NSUN6: variants seen among roughly 807,000 people sequenced by gnomAD.
NSUN6 encodes NOP2/Sun RNA methyltransferase 6.
NSUN6 carries 64 observed loss-of-function variants against 58.0 expected under a neutral mutation model. The ratio of observed to expected loss-of-function variants is 1.10; its 90% CI spans 0.90 to 1.36. The LOEUF is 1.36. Among genes scored for constraint, NSUN6 ranks in the 40% most tolerant of loss-of-function variants. The pLI is 0.00. For synonymous variants in NSUN6, 231 were observed against 193.9 expected, an observed-to-expected ratio of 1.19 and a Z score of -1.59; for missense variants, 701 against 550.1, an observed-to-expected ratio of 1.27 and a Z score of -2.74.
chr10:18,631,123 C>A (rs868534163), intron 3 of NSUN6, among the ~76,000 whole-genome samples: 4 of 152,158 alleles, frequency 2.6e-5, no homozygotes, highest in African/African-American at 9.7e-5. Flanking sequence ...AAATGTAATC[C>A]AGCATATAAA....
intron 3 of NSUN6, among the ~76,000 whole-genome samples, chr10:18,633,945 T>G (rs1343580217): frequency 6.6e-6 from 1 of 152,204 alleles, no homozygotes; most frequent in Non-Finnish European, 1.5e-5. Context: ...GGACTACAGA[T>G]GAGCCAGCAG....
rs150912857 is a variant in NSUN6, at chr10:18,578,125, C to A, written c.922+7824G>T. On this transcript the variant is annotated intron_variant, in intron 8 of 10. Transcript: ENST00000377304. ...TTACTTATAACACAGTAAAGGCACACTTATAACCAGGAGGTGCCCTGCTCT... is the reference window on the plus strand; with the variant it reads ...TTACTTATAACACAGTAAAGGCACAATTATAACCAGGAGGTGCCCTGCTCT... Among the ~76,000 whole-genome samples the A allele has an allele frequency of 1.8e-4, 28 of 152,176 alleles. No individual in the cohort carries two copies. The East Asian group carries it at 4.6e-3, about 25-fold the overall frequency.
upstream of NSUN6, chr10:18,651,753 T>A: frequency 1.0e-6 from 1 of 985,480 alleles, no homozygotes; most frequent in Non-Finnish European, 1.2e-6. Context: ...TTCCTAACCC[T>A]GCGTGAGGCT....
chr10:18,597,689 C>G (rs569229729), intron 6 of NSUN6, among the ~76,000 whole-genome samples: 2 of 152,230 alleles, frequency 1.3e-5, no homozygotes, highest in South Asian at 4.2e-4. Context: ...TCACTTGAAC[C>G]CAGGAGGTGG....
chr10:18,606,447 G>A lies in NSUN6; in HGVS notation c.657+3398C>T, dbSNP rs182590946. 9.2e-5 allele frequency among the ~76,000 whole-genome samples: 14 copies of A among 152,244 alleles called. 1 individual carries two copies. Among genetic ancestry groups the A allele is most frequent in the South Asian group, 6.2e-4 (3 of 4,816 alleles). ...TAAATGCAGTGTGGGATCCTGGATCGGATCCTGAACACAAATAGGACATTA... is the reference window on the plus strand; with the variant it reads ...TAAATGCAGTGTGGGATCCTGGATCAGATCCTGAACACAAATAGGACATTA... On this transcript the variant is annotated intron_variant, in intron 6 of 10. Coordinates refer to ENST00000377304, the MANE Select transcript of NSUN6 (RefSeq NM_182543.5).
chr10:18,607,994 T>C (rs11812341), intron 6 of NSUN6, among the ~76,000 whole-genome samples: 32,992 of 152,164 alleles, frequency 0.22, 3,954 homozygotes, highest in South Asian at 0.35. Context: ...CAGTGTTAGC[T>C]GTGATTACCA....
intron 8 of NSUN6, among the ~76,000 whole-genome samples, chr10:18,578,303 G>A (rs905724239): frequency 4.2e-5 from 6 of 143,636 alleles, no homozygotes; most frequent in Non-Finnish European, 6.0e-5. Context: ...GCACCATCTC[G>A]GCTCACTGCA....
chr10:18,602,853 A>G (rs1022606770), intron 6 of NSUN6, among the ~76,000 whole-genome samples: 1 of 152,208 alleles, frequency 6.6e-6, no homozygotes, highest in African/African-American at 2.4e-5. Context: ...TTACTCTTGC[A>G]TAGTATTCCA....
chr10:18,635,176 A>G (rs557521314), intron 3 of NSUN6, among the ~76,000 whole-genome samples: 60 of 152,302 alleles, frequency 3.9e-4, no homozygotes, highest in African/African-American at 1.4e-3. Context: ...ACTATTTTAC[A>G]TGTCACAATT....
In NSUN6 at chr10:18,625,724, A is replaced by ATT. The variant is rs1564819274; in HGVS notation, c.312-9432_312-9431insAA. Among the ~76,000 whole-genome samples the ATT allele has an allele frequency of 2.6e-3, 349 of 134,058 alleles. 1 individual carries two copies. Among genetic ancestry groups the ATT allele is most frequent in the Non-Finnish European group, 4.1e-3 (248 of 60,336 alleles). The allele number at this position is 134,058 out of a possible 152,430, so 87.9% of individuals were successfully genotyped here. On this transcript the variant is annotated intron_variant, in intron 3 of 10. Transcript: ENST00000377304. ...TGAGACTATGTGTTTTTTTTTTAAA[A>ATT]AAAAAAAAAAAAAAAAAAAAAAAAG...
chr10:18,564,250 T>G (rs549647076), intron 8 of NSUN6, among the ~76,000 whole-genome samples: 1 of 151,706 alleles, frequency 6.6e-6, no homozygotes, highest in African/African-American at 2.4e-5. Context: ...CATTCTCCAT[T>G]CCATTCCCAT....
chr10:18,580,185 C>G (rs954924623), intron 8 of NSUN6, among the ~76,000 whole-genome samples: 1 of 152,156 alleles, frequency 6.6e-6, no homozygotes, highest in Non-Finnish European at 1.5e-5. Flanking sequence ...TGGAAAATGT[C>G]CTAAGACCAC....
intron 3 of NSUN6, among the ~76,000 whole-genome samples, chr10:18,640,097 GAAAT>G (rs1242519627): frequency 1.3e-5 from 2 of 152,184 alleles, no homozygotes; most frequent in African/African-American, 2.4e-5. Flanking sequence ...TAAAAAGAAT[GAAAT>G]AGTGTTACAT....
chr10:18,635,105 A>G (rs1417910181), intron 3 of NSUN6, among the ~76,000 whole-genome samples: 6 of 152,184 alleles, frequency 3.9e-5, no homozygotes, highest in Non-Finnish European at 8.8e-5. Flanking sequence ...GAGGGTGCCT[A>G]TGTGACCAGC....
At chr10:18,621,308 T>C (rs765860200) in intron 3 of NSUN6, among the ~76,000 whole-genome samples, 1 of 152,196 alleles carries the variant, frequency 6.6e-6, no homozygotes, top group Non-Finnish European at 1.5e-5. Flanking sequence ...AAGCTTGTGA[T>C]GGTTTTCCCT....
At chr10:18,633,424 T>A (rs1422557951) in intron 3 of NSUN6, among the ~76,000 whole-genome samples, 4 of 151,630 alleles carry the variant, frequency 2.6e-5, no homozygotes, top group African/African-American at 9.7e-5. Flanking sequence ...AATAATAAAT[T>A]AATTAAATAA....
At position 18,582,941 on chromosome 10, in the gene NSUN6, C is replaced by T. The variant is rs560664586; in HGVS notation, c.922+3008G>A. Among the ~76,000 whole-genome samples the T allele has an allele frequency of 4.7e-4, 71 of 152,184 alleles. 1 individual carries two copies. The highest frequency in any genetic ancestry group is 4.4e-3 in the Admixed American group (68 of 15,282). On this transcript the variant is annotated intron_variant, in intron 8 of 10. Coordinates refer to ENST00000377304, the MANE Select transcript of NSUN6 (RefSeq NM_182543.5). ...AGGTGAATTAGCATTCAAGTTGTTACGATGTATTTGTCAGGCCTCTGAGAC... is the reference window on the plus strand; with the variant it reads ...AGGTGAATTAGCATTCAAGTTGTTATGATGTATTTGTCAGGCCTCTGAGAC...
intron 7 of NSUN6, among the ~76,000 whole-genome samples, chr10:18,587,758 G>T (rs765779349): frequency 6.6e-6 from 1 of 152,128 alleles, no homozygotes; most frequent in Non-Finnish European, 1.5e-5. Context: ...TGGGTACTAC[G>T]CTTTTCCCAT....
At chr10:18,585,391 G>A (rs1397315803) in intron 8 of NSUN6, among the ~76,000 whole-genome samples, 1 of 152,118 alleles carries the variant, frequency 6.6e-6, no homozygotes, top group Non-Finnish European at 1.5e-5. Context: ...ATTCCCAACA[G>A]TCAAGATATG....
Sources: allele counts gnomAD v4.1 joint callset (sites outside exome capture counted in the v4.1 genomes callset), GRCh38; gene constraint gnomAD v4.1.1; transcripts MANE v1.5; gene names NCBI Gene and HGNC (gene_info 2026-07-23, HGNC 2026-07-21).